SNX25: variants seen among roughly 807,000 people sequenced by gnomAD.
SNX25 encodes the protein sorting nexin-25.
In SNX25, 62 loss-of-function variants were observed where a neutral mutation model predicts 113.7. That is an observed-to-expected ratio of 0.55 (90% CI 0.44 to 0.67). The LOEUF is 0.67. SNX25 is among the 30% of genes least tolerant of loss of function. SNX25 has a pLI of 0.00. For missense variants in SNX25, 1,014 were observed against 1,161.0 expected, an observed-to-expected ratio of 0.87 and a Z score of 1.84; for synonymous variants, 421 against 436.2, an observed-to-expected ratio of 0.97 and a Z score of 0.43.
rs116830200 is a variant in SNX25 at position 185,263,799 on chromosome 4, T to C, written c.732-639T>C. Among the ~76,000 whole-genome samples, 636 of 152,284 alleles carry C rather than the reference T, an allele frequency of 4.2e-3. 11 individuals carry two copies. The highest frequency in any genetic ancestry group is 5.0e-3 in the Non-Finnish European group (340 of 68,024). On this transcript the variant is annotated intron_variant, in intron 3 of 18. Coordinates refer to ENST00000652585, the MANE Select transcript of SNX25 (RefSeq NM_001378034.2). ...TTCTTGAATCACTATCAAGATACTATGGGAAGGGAAGTATAGAAAGTTCTG... is the reference window on the plus strand; with the variant it reads ...TTCTTGAATCACTATCAAGATACTACGGGAAGGGAAGTATAGAAAGTTCTG...
chr4:185,229,368 C>T (rs558370713), intron 1 of SNX25, among the ~76,000 whole-genome samples: 5 of 152,316 alleles, frequency 3.3e-5, no homozygotes, highest in South Asian at 2.1e-4. Flanking sequence ...GGGCGAGCGC[C>T]GTGGAGTGGA....
chr4:185,286,321 GCCT>G (rs1189537371), intron 5 of SNX25, among the ~76,000 whole-genome samples: 1 of 151,956 alleles, frequency 6.6e-6, no homozygotes, highest in East Asian at 1.9e-4. Flanking sequence ...TCACTATACT[GCCT>G]AGGCTCTTGA....
At chr4:185,349,277 A>T in intron 13 of SNX25, among the ~76,000 whole-genome samples, 1 of 152,172 alleles carries the variant, frequency 6.6e-6, no homozygotes, top group East Asian at 1.9e-4. Context: ...GACAAGCTTG[A>T]TGTATGTATA....
At chr4:185,309,565 T>C (rs955775930) in intron 6 of SNX25, among the ~76,000 whole-genome samples, 2 of 152,206 alleles carry the variant, frequency 1.3e-5, no homozygotes, top group Non-Finnish European at 2.9e-5. Context: ...TGGCTTCTCA[T>C]GTTGGAAACC....
chr4:185,361,235 G>A (rs961953297), intron 16 of SNX25, among the ~76,000 whole-genome samples: 58 of 152,250 alleles, frequency 3.8e-4, no homozygotes, highest in African/African-American at 1.3e-3. Flanking sequence ...GGAACTTCAG[G>A]ACCTCAGGGA....
chr4:185,348,259 A>T (rs2095297906), intron 13 of SNX25, among the ~76,000 whole-genome samples: 1 of 152,246 alleles, frequency 6.6e-6, no homozygotes, highest in Admixed American at 6.5e-5. Context: ...TTGCCTCTGC[A>T]GTAGAAGCTA....
chr4:185,357,643 A>C (rs745807496), intron 15 of SNX25, 28 bp from the exon 16 acceptor site: 2 of 1,599,218 alleles, frequency 1.3e-6, no homozygotes, highest in Non-Finnish European at 1.7e-6. Flanking sequence ...CCCTGTGATA[A>C]AAAGTTTTCC....
chr4:185,300,738 C>G (rs140898144), intron 6 of SNX25, among the ~76,000 whole-genome samples: 6 of 151,818 alleles, frequency 4.0e-5, no homozygotes, highest in African/African-American at 1.4e-4. Flanking sequence ...ACCTAATCAC[C>G]AAGGTGATGG....
chr4:185,331,555 T>G (rs1165269652), intron 9 of SNX25, among the ~76,000 whole-genome samples: 2 of 152,062 alleles, frequency 1.3e-5, no homozygotes, highest in Non-Finnish European at 2.9e-5. Flanking sequence ...ACGAGGCAGG[T>G]GGATCACTTG....
At chr4:185,248,540 T>A (rs1320604776) in intron 2 of SNX25, among the ~76,000 whole-genome samples, 1 of 152,014 alleles carries the variant, frequency 6.6e-6, no homozygotes, top group Non-Finnish European at 1.5e-5. Context: ...TAGTCCTAGC[T>A]CCTTGGGAGG....
chr4:185,248,494 A>G (rs1378573947), intron 2 of SNX25, among the ~76,000 whole-genome samples: 2 of 151,896 alleles, frequency 1.3e-5, no homozygotes, highest in Admixed American at 6.6e-5. Flanking sequence ...TCTGCAAAAA[A>G]TACAAAAATT....
At chr4:185,220,689 C>T (rs1202496739) in intron 1 of SNX25, among the ~76,000 whole-genome samples, 2 of 151,938 alleles carry the variant, frequency 1.3e-5, no homozygotes, top group African/African-American at 2.4e-5. Context: ...ACCATGTTAG[C>T]CAGGATGGTC....
intron 1 of SNX25, among the ~76,000 whole-genome samples, chr4:185,239,239 T>C (rs13130325): frequency 0.33 from 49,538 of 148,904 alleles, 8,372 homozygotes; most frequent in African/African-American, 0.43. Flanking sequence ...CCCAGCACTT[T>C]GGGAGGCCAA....
intron 7 of SNX25, among the ~76,000 whole-genome samples, chr4:185,315,636 C>T: frequency 6.6e-6 from 1 of 152,022 alleles, no homozygotes; most frequent in East Asian, 1.9e-4. Flanking sequence ...GAGATAATAC[C>T]AATCTTAACC....
At chr4:185,370,732 T>C (rs762774467), downstream of SNX25, 81 of 1,614,004 alleles carry the variant, frequency 5.0e-5, 1 homozygote, top group South Asian at 2.1e-4. Context: ...GCCATTGCCA[T>C]GCCTCTGCCG....
chr4:185,303,842 A>G (rs1322095077), intron 6 of SNX25, among the ~76,000 whole-genome samples: 1 of 152,104 alleles, frequency 6.6e-6, no homozygotes, highest in Non-Finnish European at 1.5e-5. Flanking sequence ...GTGACACGTT[A>G]GACTATGAAA....
At chr4:185,257,291 G>A (rs965349851) in intron 2 of SNX25, among the ~76,000 whole-genome samples, 1 of 151,688 alleles carries the variant, frequency 6.6e-6, no homozygotes, top group African/African-American at 2.4e-5. Flanking sequence ...GGGGCCCTGT[G>A]GGGAGTCACC....
chr4:185,207,726 T>C (rs1351532683), upstream of SNX25: 1 of 152,226 alleles, frequency 6.6e-6, no homozygotes, highest in East Asian at 1.9e-4. Context: ...GTTGAGCATG[T>C]CATCTTACCT....
chr4:185,366,698 ATGAC>A (rs2095389113), downstream of SNX25: 1 of 152,180 alleles, frequency 6.6e-6, no homozygotes, highest in Admixed American at 6.5e-5. Flanking sequence ...AAAATTTTAA[ATGAC>A]TGAAAATTTA....
Sources: gnomAD v4.1 joint callset for allele counts (sites outside exome capture counted in the v4.1 genomes callset) on GRCh38, gnomAD v4.1.1 for gene constraint, MANE v1.5 for transcripts, NCBI Gene and HGNC (gene_info 2026-07-23, HGNC 2026-07-21) for gene names.